The following LRRTM4 variants were observed in gnomAD, a reference collection of about 807,000 sequenced individuals.
LRRTM4 encodes leucine rich repeat transmembrane neuronal 4.
In LRRTM4, 25 loss-of-function variants were observed where a neutral mutation model predicts 47.6. That is an observed-to-expected ratio of 0.53 (90% confidence interval 0.38 to 0.73). The LOEUF is 0.73. Among genes scored for constraint, LRRTM4 ranks in the 30% least tolerant of loss-of-function variants. The pLI is 0.00. For missense variants in LRRTM4, 638 were observed against 713.4 expected, an observed-to-expected ratio of 0.89 and a Z score of 1.20; for synonymous variants, 311 against 269.5, an observed-to-expected ratio of 1.15 and a Z score of -1.51.
chr2:76,913,870 A>C (rs901035954), intron 3 of LRRTM4, among the ~76,000 whole-genome samples: 2 of 152,132 alleles, frequency 1.3e-5, no homozygotes, highest in African/African-American at 4.8e-5. Flanking sequence ...ATTTATTAGA[A>C]GTATTAGAAA....
intron 3 of LRRTM4, among the ~76,000 whole-genome samples, chr2:77,424,471 G>T (rs556128192): frequency 1.3e-5 from 2 of 152,240 alleles, no homozygotes; most frequent in South Asian, 4.1e-4. Context: ...AAACTCTTCA[G>T]TTTTAAAGTG....
At chr2:77,450,144 T>C (rs1336654885) in intron 3 of LRRTM4, among the ~76,000 whole-genome samples, 1 of 152,184 alleles carries the variant, frequency 6.6e-6, no homozygotes, top group Non-Finnish European at 1.5e-5. Context: ...TAAAACACTT[T>C]TAATATGATA....
intron 3 of LRRTM4, among the ~76,000 whole-genome samples, chr2:76,961,052 G>C (rs920447340): frequency 6.6e-6 from 1 of 151,298 alleles, no homozygotes; most frequent in South Asian, 2.1e-4. Context: ...TTTTCTATCA[G>C]CACTTATAAT....
At chr2:76,825,709 G>A (rs1207893014) in intron 3 of LRRTM4, among the ~76,000 whole-genome samples, 3 of 151,626 alleles carry the variant, frequency 2.0e-5, no homozygotes, top group Non-Finnish European at 4.4e-5. Flanking sequence ...TATACATTGT[G>A]TTTAAATTCA....
chr2:76,887,104 T>A (rs1183851686), intron 3 of LRRTM4, among the ~76,000 whole-genome samples: 1 of 151,630 alleles, frequency 6.6e-6, no homozygotes, highest in East Asian at 1.9e-4. Context: ...CACAGAAATA[T>A]CTACAAAATA....
chr2:77,138,427 G>C (rs1337916986), intron 3 of LRRTM4, among the ~76,000 whole-genome samples: 2 of 152,100 alleles, frequency 1.3e-5, no homozygotes, highest in Admixed American at 1.3e-4. Flanking sequence ...AAACCAACAA[G>C]AACAAAGACA....
intron 3 of LRRTM4, among the ~76,000 whole-genome samples, chr2:77,417,279 T>C (rs1280109403): frequency 6.6e-6 from 1 of 151,992 alleles, no homozygotes; most frequent in Non-Finnish European, 1.5e-5. Context: ...TAGGAACACT[T>C]TTACACTGTT....
At chr2:77,328,199 A>G (rs144544585) in intron 3 of LRRTM4, among the ~76,000 whole-genome samples, 1 of 152,164 alleles carries the variant, frequency 6.6e-6, no homozygotes, top group Admixed American at 6.6e-5. Context: ...ATAACCTGAG[A>G]TTAAGTTAAA....
At chr2:77,123,772 A>G (rs928816129) in intron 3 of LRRTM4, among the ~76,000 whole-genome samples, 7 of 152,106 alleles carry the variant, frequency 4.6e-5, no homozygotes, top group Non-Finnish European at 8.8e-5. Context: ...TCCATGACAT[A>G]TACACTAGTA....
At chr2:77,177,273 G>A (rs1228377921) in intron 3 of LRRTM4, among the ~76,000 whole-genome samples, 1 of 152,066 alleles carries the variant, frequency 6.6e-6, no homozygotes, top group Admixed American at 6.5e-5. Flanking sequence ...CCCAGTTTTG[G>A]GGTTCACCCT....
chr2:77,072,993 G>T (rs562611262), intron 3 of LRRTM4, among the ~76,000 whole-genome samples: 1 of 152,152 alleles, frequency 6.6e-6, no homozygotes, highest in South Asian at 2.1e-4. Flanking sequence ...CCTAAAGTGT[G>T]ATGTTAATAT....
intron 3 of LRRTM4, among the ~76,000 whole-genome samples, chr2:77,471,132 T>C (rs1014433572): frequency 6.6e-6 from 1 of 152,116 alleles, no homozygotes; most frequent in African/African-American, 2.4e-5. Context: ...GCATTTCAAG[T>C]GTGCATCTAA....
At chr2:76,924,965 C>T (rs539245419) in intron 3 of LRRTM4, among the ~76,000 whole-genome samples, 4 of 151,968 alleles carry the variant, frequency 2.6e-5, no homozygotes, top group South Asian at 4.1e-4. Context: ...TCTATTGACA[C>T]GTGCCTTTGT....
intron 3 of LRRTM4, among the ~76,000 whole-genome samples, chr2:77,510,265 T>C (rs1678932454): frequency 6.6e-6 from 1 of 152,134 alleles, no homozygotes; most frequent in African/African-American, 2.4e-5. Flanking sequence ...AATCAACTTT[T>C]AATAAGTTAA....
At chr2:77,504,613 AC>A (rs1678696670) in intron 3 of LRRTM4, among the ~76,000 whole-genome samples, 1 of 151,584 alleles carries the variant, frequency 6.6e-6, no homozygotes, top group African/African-American at 2.4e-5. Flanking sequence ...GAATCATTTA[AC>A]AAAACAGAAC....
intron 3 of LRRTM4, among the ~76,000 whole-genome samples, chr2:77,347,606 G>T (rs2104289322): frequency 6.6e-6 from 1 of 151,874 alleles, no homozygotes; most frequent in East Asian, 1.9e-4. Context: ...ATAAATCATG[G>T]ATATACAGTT....
intron 3 of LRRTM4, among the ~76,000 whole-genome samples, chr2:77,151,557 GAAA>G (rs1391336266): frequency 6.6e-6 from 1 of 152,126 alleles, no homozygotes. Context: ...AATGGATAAA[GAAA>G]ATGTGGTATA....
intron 3 of LRRTM4, among the ~76,000 whole-genome samples, chr2:77,389,018 G>A (rs1558720426): frequency 6.6e-6 from 1 of 151,822 alleles, no homozygotes; most frequent in Non-Finnish European, 1.5e-5. Flanking sequence ...AGAGTTAGAT[G>A]GTAAACAATG....
intron 3 of LRRTM4, among the ~76,000 whole-genome samples, chr2:77,124,831 G>T (rs1311934076): frequency 6.6e-6 from 1 of 152,092 alleles, no homozygotes; most frequent in African/African-American, 2.4e-5. Flanking sequence ...ATCTTCTTCA[G>T]GTCAATACTT....
Sources: allele counts gnomAD v4.1 joint callset (sites outside exome capture counted in the v4.1 genomes callset), GRCh38; gene constraint gnomAD v4.1.1; transcripts MANE v1.5; gene names NCBI Gene and HGNC (gene_info 2026-07-23, HGNC 2026-07-21).